Variants in SCML4 observed in about 807,000 individuals in gnomAD.
SCML4 encodes the protein sex comb on midleg-like protein 4.
A neutral mutation model predicts 41.1 loss-of-function variants in SCML4; 34 were observed. The ratio of observed to expected loss-of-function variants is 0.83; its 90% CI spans 0.63 to 1.10. The LOEUF (loss-of-function observed/expected upper bound fraction) is 1.10. SCML4 is among the 50% of genes least tolerant of loss of function. The pLI is 0.00. For missense variants in SCML4, 522 were observed against 534.1 expected, an observed-to-expected ratio of 0.98 and a Z score of 0.22; for synonymous variants, 214 against 220.9, an observed-to-expected ratio of 0.97 and a Z score of 0.28.
chr6:107,803,239 G>T (rs1171140503), intron 1 of SCML4, among the ~76,000 whole-genome samples: 1 of 137,688 alleles, frequency 7.3e-6, no homozygotes, highest in Non-Finnish European at 1.6e-5. Flanking sequence ...CTGCCCGGCC[G>T]CCCTGTCTGA....
At chr6:107,707,064 G>A (rs571313213) in intron 7 of SCML4, among the ~76,000 whole-genome samples, 7 of 152,126 alleles carry the variant, frequency 4.6e-5, no homozygotes, top group Non-Finnish European at 8.8e-5. Flanking sequence ...TGCCATGCGC[G>A]GTGGCTCACA....
At chr6:107,724,857 A>T (rs1775796240) in intron 5 of SCML4, among the ~76,000 whole-genome samples, 1 of 152,234 alleles carries the variant, frequency 6.6e-6, no homozygotes, top group Non-Finnish European at 1.5e-5. Context: ...GAAGGCTCAC[A>T]CTTCCTGATT....
At chr6:107,749,473 A>G (rs1778421185) in intron 3 of SCML4, among the ~76,000 whole-genome samples, 1 of 152,140 alleles carries the variant, frequency 6.6e-6, no homozygotes, top group African/African-American at 2.4e-5. Context: ...GCTGCACTGA[A>G]AACCAAGTTT....
intron 5 of SCML4, among the ~76,000 whole-genome samples, chr6:107,737,581 T>TC (rs1198565150): frequency 1.3e-5 from 2 of 152,200 alleles, no homozygotes; most frequent in Admixed American, 1.3e-4. Flanking sequence ...AAACTTGGAA[T>TC]AAGTTTCTCT....
At chr6:107,826,244 C>CAAAAAAAAAGAAAAAAG (rs1562297053), upstream of SCML4, among the ~76,000 whole-genome samples, 1 of 95,784 alleles carries the variant, frequency 1.0e-5, no homozygotes, top group Non-Finnish European at 2.2e-5. Flanking sequence ...AATTCCATCT[C>CAAAAAAAAAGAAAAAAG]AAAAAAAAAG....
chr6:107,765,103 C>T (rs1043082960), intron 2 of SCML4, among the ~76,000 whole-genome samples: 5 of 152,212 alleles, frequency 3.3e-5, no homozygotes, highest in African/African-American at 1.2e-4. Context: ...CCATGACAGT[C>T]ATTTAACAGA....
chr6:107,788,972 G>C (rs1782113934), intron 1 of SCML4, among the ~76,000 whole-genome samples: 1 of 152,192 alleles, frequency 6.6e-6, no homozygotes, highest in South Asian at 2.1e-4. Context: ...AGCCTAATTT[G>C]CTTCTGGTCA....
chr6:107,715,692 C>T (rs928718015), intron 6 of SCML4, among the ~76,000 whole-genome samples: 2 of 152,130 alleles, frequency 1.3e-5, no homozygotes, highest in African/African-American at 2.4e-5. Context: ...CCACTGGCAG[C>T]GGAGACAGAC....
chr6:107,808,079 TC>T (rs1783872626), intron 1 of SCML4, among the ~76,000 whole-genome samples: 2 of 152,110 alleles, frequency 1.3e-5, no homozygotes, highest in Admixed American at 1.3e-4. Context: ...GCCCAATTAC[TC>T]CCCACCCTTT....
chr6:107,841,724 A>T, the SCML4 span, among the ~76,000 whole-genome samples: 2 of 152,192 alleles, frequency 1.3e-5, no homozygotes, highest in Non-Finnish European at 2.9e-5. Context: ...ACATAAATAG[A>T]AGATAGTATT....
intron 2 of SCML4, among the ~76,000 whole-genome samples, chr6:107,754,829 T>C (rs9398140): frequency 0.14 from 21,985 of 152,102 alleles, 1,871 homozygotes; most frequent in Middle Eastern, 0.2. Flanking sequence ...TTATTAGAGG[T>C]CAGGTGTATT....
At chr6:107,801,192 C>T (rs773756022) in intron 1 of SCML4, among the ~76,000 whole-genome samples, 20 of 152,202 alleles carry the variant, frequency 1.3e-4, no homozygotes, top group Non-Finnish European at 2.2e-4. Context: ...TTATGTAAAG[C>T]CCAACCGATT....
intron 5 of SCML4, among the ~76,000 whole-genome samples, chr6:107,723,141 G>C (rs866658860): frequency 6.6e-6 from 1 of 152,134 alleles, no homozygotes; most frequent in Non-Finnish European, 1.5e-5. Context: ...CAACCTTACA[G>C]AAATTGAAAA....
intron 3 of SCML4, among the ~76,000 whole-genome samples, chr6:107,749,186 A>T (rs897283254): frequency 6.6e-6 from 1 of 152,064 alleles, no homozygotes; most frequent in Non-Finnish European, 1.5e-5. Flanking sequence ...CATTACTATT[A>T]TGATGAAACT....
At chr6:107,756,248 A>G (rs1304658536) in intron 2 of SCML4, among the ~76,000 whole-genome samples, 1 of 152,180 alleles carries the variant, frequency 6.6e-6, no homozygotes, top group Non-Finnish European at 1.5e-5. Flanking sequence ...CCTGATAAAT[A>G]AGACTTCAAC....
At position 107,737,282 on chromosome 6, in the gene SCML4, G is replaced by C. The variant is rs528502896; in HGVS notation, c.682+7667C>G. 2.0e-5 allele frequency among the ~76,000 whole-genome samples: 3 copies of C among 152,302 alleles called. No individual in the cohort carries two copies. The South Asian group carries it at 6.2e-4, about 32-fold the overall frequency. On this transcript the variant is annotated intron_variant, in intron 5 of 7. Transcript: ENST00000369020. ...GGATACCTTCTTCGGATTGGGGAAG[G>C]TTTACAGGGCACCAGAGACCATGCT...
chr6:107,796,146 C>T (rs1782693521), intron 1 of SCML4, among the ~76,000 whole-genome samples: 1 of 152,048 alleles, frequency 6.6e-6, no homozygotes. Flanking sequence ...CATTTCTCTA[C>T]AAGTCTTTTG....
rs1183200853 is a variant in SCML4 at position 107,711,022 on chromosome 6, CT to C, written c.974-3012del. Among the ~76,000 whole-genome samples the C allele has an allele frequency of 1.8e-3, 85 of 47,196 alleles. 3 individuals are homozygous for C. Among genetic ancestry groups the C allele is most frequent in the Non-Finnish European group, 1.6e-3 (35 of 22,242 alleles). The allele number at this position is 47,196 out of a possible 152,430, so 31.0% of individuals were successfully genotyped here. On this transcript the variant is annotated intron_variant, in intron 6 of 7. Coordinates refer to ENST00000369020, the MANE Select transcript of SCML4 (RefSeq NM_198081.5). ...TTTCCCTGGTGTCCCTGCACAAACT[CT>C]TTTTTTTTTTTTGAGATGAAGTCCC...
chr6:107,751,195 T>C (rs1451980500), intron 2 of SCML4, among the ~76,000 whole-genome samples: 1 of 152,158 alleles, frequency 6.6e-6, no homozygotes, highest in African/African-American at 2.4e-5. Flanking sequence ...TACATGTTAA[T>C]AAAAGCTGAT....
Sources: gnomAD v4.1 joint callset for allele counts (sites outside exome capture counted in the v4.1 genomes callset) on GRCh38, gnomAD v4.1.1 for gene constraint, MANE v1.5 for transcripts, NCBI Gene and HGNC (gene_info 2026-07-23, HGNC 2026-07-21) for gene names.